ADAMTS3: variants seen among roughly 807,000 people sequenced by gnomAD.
ADAMTS3 encodes the protein A disintegrin and metalloproteinase with thrombospondin motifs 3.
A neutral mutation model predicts 129.0 loss-of-function variants in ADAMTS3; 73 were observed. The ratio of observed to expected loss-of-function variants is 0.57; its 90% CI spans 0.47 to 0.69. ADAMTS3 has a LOEUF of 0.69. ADAMTS3 is among the 30% of genes least tolerant of loss of function. The pLI is 0.00. For missense variants in ADAMTS3, 1,457 were observed against 1,514.5 expected (o/e 0.96, Z 0.63); for synonymous variants, 477 against 510.8 (o/e 0.93, Z 0.89).
intron 3 of ADAMTS3, among the ~76,000 whole-genome samples, chr4:72,424,948 G>C (rs1309261800): frequency 6.6e-6 from 1 of 151,806 alleles, no homozygotes; most frequent in African/African-American, 2.4e-5. Flanking sequence ...ATATTTTATT[G>C]TATGAATGTA....
chr4:72,404,565 C>T (rs966417536), intron 4 of ADAMTS3, among the ~76,000 whole-genome samples: 14 of 151,644 alleles, frequency 9.2e-5, no homozygotes, highest in African/African-American at 3.4e-4. Flanking sequence ...TAGGAGAAAG[C>T]AAAAAAACTT....
intron 4 of ADAMTS3, among the ~76,000 whole-genome samples, chr4:72,410,278 G>T (rs1722154124): frequency 6.6e-6 from 1 of 152,082 alleles, no homozygotes. Context: ...CTGGCAACCA[G>T]CAGCAACTCC....
At chr4:72,545,425 C>T (rs1196491192) in intron 3 of ADAMTS3, among the ~76,000 whole-genome samples, 1 of 152,100 alleles carries the variant, frequency 6.6e-6, no homozygotes, top group Non-Finnish European at 1.5e-5. Context: ...CTTGACCAAA[C>T]CTCAGGAAGG....
intron 4 of ADAMTS3, among the ~76,000 whole-genome samples, chr4:72,369,102 T>A (rs1367586411): frequency 1.3e-5 from 2 of 152,182 alleles, no homozygotes; most frequent in Non-Finnish European, 2.9e-5. Context: ...GAAAAACAGT[T>A]AAAAGTAGAT....
chr4:72,312,385 A>T lies in ADAMTS3; in HGVS notation c.1827T>A (p.Phe609Leu). Residue 609 changes from phenylalanine to leucine, a missense_variant, in exon 13 of 22, where the codon TTT becomes TTA. Phe to Leu is a conservative substitution (Grantham distance 22). Coordinates refer to ENST00000286657, the MANE Select transcript of ADAMTS3 (RefSeq NM_014243.3). ...GACACTGCTGTGCTCTGAAGTCCTC[A>T]AAGTGTTTTTGGCATTCTTCTGTGT... ...LCNTEECQKH[F>L]EDFRAQQCQQ... is the part of the protein sequence containing the mutation. 1.2e-6 allele frequency: 2 copies of T among 1,613,828 alleles called. No individual in the cohort carries two copies. Among genetic ancestry groups the T allele is most frequent in the Non-Finnish European group, 1.7e-6 (2 of 1,179,806 alleles).
chr4:72,496,512 G>C (rs1201610510), intron 3 of ADAMTS3, among the ~76,000 whole-genome samples: 1 of 151,926 alleles, frequency 6.6e-6, no homozygotes, highest in Non-Finnish European at 1.5e-5. Context: ...ATCTTCACAA[G>C]CATCCCGCTA....
At chr4:72,415,741 C>A (rs1722288416) in intron 3 of ADAMTS3, among the ~76,000 whole-genome samples, 4 of 151,932 alleles carry the variant, frequency 2.6e-5, no homozygotes, top group Admixed American at 2.6e-4. Flanking sequence ...AGGGCTATAG[C>A]CAGTACTATA....
intron 3 of ADAMTS3, among the ~76,000 whole-genome samples, chr4:72,425,308 A>G (rs751630962): frequency 6.6e-6 from 1 of 152,102 alleles, no homozygotes; most frequent in Non-Finnish European, 1.5e-5. Flanking sequence ...TAAAATATAT[A>G]AAACATTTAT....
chr4:72,490,364 T>C (rs1280146875), intron 3 of ADAMTS3, among the ~76,000 whole-genome samples: 2 of 151,960 alleles, frequency 1.3e-5, no homozygotes, highest in Non-Finnish European at 2.9e-5. Flanking sequence ...TGTAAATTCA[T>C]TTGTCTATTT....
chr4:72,505,069 C>T (rs929286274), intron 3 of ADAMTS3, among the ~76,000 whole-genome samples: 3 of 152,082 alleles, frequency 2.0e-5, no homozygotes, highest in African/African-American at 7.2e-5. Context: ...TGTGAGTTTC[C>T]ATTTTGATTA....
intron 5 of ADAMTS3, among the ~76,000 whole-genome samples, chr4:72,328,025 A>C (rs1383521798): frequency 6.6e-6 from 1 of 152,210 alleles, no homozygotes; most frequent in African/African-American, 2.4e-5. Context: ...TTGCAAGAAA[A>C]GCAGTAAGCA....
chr4:72,397,630 T>A (rs1721760304), intron 4 of ADAMTS3, among the ~76,000 whole-genome samples: 1 of 151,814 alleles, frequency 6.6e-6, no homozygotes. Flanking sequence ...TTGGCTGTCG[T>A]AAGACAGGAA....
intron 4 of ADAMTS3, among the ~76,000 whole-genome samples, chr4:72,349,513 G>A (rs1412982559): frequency 6.6e-6 from 1 of 151,984 alleles, no homozygotes; most frequent in Non-Finnish European, 1.5e-5. Flanking sequence ...AACGAGCACA[G>A]TGTCCATAAA....
chr4:72,524,635 A>T (rs1720762469), intron 3 of ADAMTS3, among the ~76,000 whole-genome samples: 1 of 152,050 alleles, frequency 6.6e-6, no homozygotes, highest in African/African-American at 2.4e-5. Context: ...GTATGTGGTA[A>T]AGCTGAGATT....
chr4:72,553,448 C>T (rs1721690625), intron 2 of ADAMTS3, among the ~76,000 whole-genome samples: 1 of 151,976 alleles, frequency 6.6e-6, no homozygotes, highest in South Asian at 2.1e-4. Flanking sequence ...CTAAAAAGAC[C>T]CAGAAGTTAG....
intron 3 of ADAMTS3, among the ~76,000 whole-genome samples, chr4:72,498,631 TCTCA>T (rs1327708116): frequency 3.3e-5 from 5 of 150,484 alleles, no homozygotes; most frequent in Non-Finnish European, 7.4e-5. Flanking sequence ...CCTCTCTCTC[TCTCA>T]CTCTCTCTCT....
At chr4:72,521,263 G>T (rs773770526) in intron 3 of ADAMTS3, among the ~76,000 whole-genome samples, 2 of 152,120 alleles carry the variant, frequency 1.3e-5, no homozygotes, top group Non-Finnish European at 2.9e-5. Context: ...TGCCCAAAGT[G>T]CTAAGATTAC....
Position 72,525,881 on chromosome 4 carries a change from C to T in ADAMTS3, c.504+22597G>A, listed in dbSNP as rs764334980. On this transcript the variant is annotated intron_variant, in intron 3 of 21. Coordinates refer to ENST00000286657, the MANE Select transcript of ADAMTS3 (RefSeq NM_014243.3). ...CCAGGCAAAAATTACTCTGAACTGGCGGGGGAGAGAGGGTTATGATCCTCT... is the reference window on the plus strand; with the variant it reads ...CCAGGCAAAAATTACTCTGAACTGGTGGGGGAGAGAGGGTTATGATCCTCT... Among the ~76,000 whole-genome samples the T allele has an allele frequency of 3.3e-5, 5 of 152,182 alleles. No homozygotes were observed. In the South Asian group the frequency reaches 6.2e-4, roughly 19 times the overall value.
intron 4 of ADAMTS3, among the ~76,000 whole-genome samples, chr4:72,390,700 A>G (rs926194392): frequency 2.0e-5 from 3 of 152,150 alleles, no homozygotes; most frequent in African/African-American, 7.2e-5. Flanking sequence ...CTTCAGTAGC[A>G]TTTCTCCCAT....
Sources: gnomAD v4.1 joint callset for allele counts (sites outside exome capture counted in the v4.1 genomes callset) on GRCh38, gnomAD v4.1.1 for gene constraint, MANE v1.5 for transcripts, NCBI Gene and HGNC (gene_info 2026-07-23, HGNC 2026-07-21) for gene names.